CD5L: variants seen among roughly 807,000 people sequenced by gnomAD.
CD5L encodes CD5 antigen-like.
Under a neutral mutation model 40.8 loss-of-function variants are expected in CD5L, and 39 were observed. The ratio of observed to expected loss-of-function variants is 0.96; its 90% confidence interval spans 0.74 to 1.25. CD5L has a LOEUF of 1.25. Ranked by LOEUF, CD5L falls within the 50% of genes most tolerant of loss-of-function variation. The pLI, the probability that CD5L is intolerant of heterozygous loss-of-function variation, is 0.00. For synonymous variants in CD5L, 192 were observed against 169.6 expected, an observed-to-expected ratio of 1.13 and a Z score of -1.03; for missense variants, 433 against 435.9, an observed-to-expected ratio of 0.99 and a Z score of 0.06.
intron 2 of CD5L, 88 bp from the exon 3 acceptor site, chr1:157,836,243 C>A: frequency 9.3e-7 from 1 of 1,072,310 alleles, no homozygotes; most frequent in Non-Finnish European, 1.3e-6. Context: ...GACTCTTCCA[C>A]CATTCAAATG....
In CD5L at chr1:157,841,704, C is replaced by G; in HGVS notation, c.-3G>C. ...ATCAAGGAGAATAGCAGAGCCATGA[C>G]CAAGGCAGGTGAAGGTGATGAGCTG... On this transcript the variant is annotated 5_prime_UTR_variant, in exon 1 of 6. Transcript: ENST00000368174. The G allele has an allele frequency of 5.6e-6, 9 of 1,613,058 alleles. No homozygotes were observed. The highest frequency in any genetic ancestry group is 7.6e-6 in the Non-Finnish European group (9 of 1,179,610).
At chr1:157,827,155 C>T (rs1159558231), downstream of CD5L, among the ~76,000 whole-genome samples, 1 of 151,974 alleles carries the variant, frequency 6.6e-6, no homozygotes, top group Non-Finnish European at 1.5e-5. Flanking sequence ...ATTTCAGAAA[C>T]CCCATAACCA....
Position 157,841,763 on chromosome 1 carries a change from A to C in CD5L, c.-62T>G. ...GGCTAGAAGGAGGTCCCCAAGCAGC[A>C]ATATTTAGTTTTAGCTGCAAGTATG... is the stretch of plus-strand genomic sequence containing the variant. On this transcript the variant is annotated 5_prime_UTR_variant, in exon 1 of 6. The change creates a new upstream start codon in the 5' untranslated region. Coordinates refer to ENST00000368174, the MANE Select transcript of CD5L (RefSeq NM_005894.3). The C allele has an allele frequency of 6.9e-7, 1 of 1,452,838 alleles. No individual in the cohort carries two copies. The highest frequency in any genetic ancestry group is 2.3e-5 in the East Asian group (1 of 43,884). 90.0% of individuals were successfully genotyped at this position (1,452,838 alleles called of 1,614,324 possible).
At position 157,831,305 on chromosome 1, in the gene CD5L, G is replaced by T. The variant is rs1310906883; in HGVS notation, c.*659C>A. The T allele has an allele frequency of 3.0e-6, 3 of 985,248 alleles. No individual in the cohort carries two copies. The highest frequency in any genetic ancestry group is 4.7e-5 in the South Asian group (1 of 21,284). 61.0% of individuals were successfully genotyped at this position (985,248 alleles called of 1,614,324 possible). A position where few individuals can be genotyped will look rare whatever the true frequency, so the allele number is the denominator to read the frequency against. Reference sequence around the variant, plus strand: ...ATTTTTATTGGGGCAATCAGAGGATGAAACATCATTTTTTACACGTCATGA... The same window carrying T: ...ATTTTTATTGGGGCAATCAGAGGATTAAACATCATTTTTTACACGTCATGA... On this transcript the variant is annotated 3_prime_UTR_variant, in exon 6 of 6. Coordinates refer to ENST00000368174, the MANE Select transcript of CD5L (RefSeq NM_005894.3).
chr1:157,827,392 G>T (rs540551346), downstream of CD5L, among the ~76,000 whole-genome samples: 4 of 152,084 alleles, frequency 2.6e-5, no homozygotes, highest in East Asian at 5.8e-4. Flanking sequence ...ACATAGGAAA[G>T]GTGGTGATGT....
Position 157,831,934 on chromosome 1 carries a change from AG to A in CD5L, c.*29del, listed in dbSNP as rs762379468. 23 of 1,568,524 alleles carry A rather than the reference AG, an allele frequency of 1.5e-5. No homozygotes were observed. Among genetic ancestry groups the A allele is most frequent in the Middle Eastern group, 1.7e-4 (1 of 5,824 alleles). On this transcript the variant is annotated 3_prime_UTR_variant, in exon 6 of 6. Transcript: ENST00000368174. ...GAACAAGCAGAGGGCAGGCGGGGCC[AG>A]GGGGGCCAGGTCAAGCAACACCAGG...
rs1241881819 is a variant in CD5L, at chr1:157,831,577, T to C, written c.*387A>G. On this transcript the variant is annotated 3_prime_UTR_variant, in exon 6 of 6. Coordinates refer to ENST00000368174, the MANE Select transcript of CD5L (RefSeq NM_005894.3). ...AATGTTTGCAGACATAGATTAGTAA[T>C]AGGACCTAGATTAGTAATGTTTGCA... The C allele has an allele frequency of 9.7e-7, 1 of 1,030,980 alleles. No individual in the cohort carries two copies. Among genetic ancestry groups the C allele is most frequent in the Non-Finnish European group, 1.2e-6 (1 of 860,338 alleles). The allele number at this position is 1,030,980 out of a possible 1,614,324, so 63.9% of individuals were successfully genotyped here.
rs1656098442 is a variant in CD5L at position 157,833,281 on chromosome 1, C to T, written c.950G>A (p.Gly317Glu). The T allele has an allele frequency of 1.2e-6, 2 of 1,614,070 alleles. No homozygotes were observed. The highest frequency in any genetic ancestry group is 1.7e-6 in the Non-Finnish European group (2 of 1,180,050). ...RIWLDNVRCSGEEQSLEQCQH... is the reference protein window; with the variant it reads ...RIWLDNVRCSEEEQSLEQCQH... ...GCACTGCTCCAGGGACTGCTCCTCC[C>T]CTGAGCAACGAACATTATCCAGCCA... The change falls in exon 5 of 6, where the codon GGG (glycine) becomes GAG (glutamate). Residue 317 changes from glycine (G) to glutamate (E), a missense_variant. Physicochemically the swap from Gly to Glu is moderately conservative, Grantham distance 98. Coordinates refer to ENST00000368174, the MANE Select transcript of CD5L (RefSeq NM_005894.3).
At chr1:157,839,530 T>C (rs1656308741) in intron 1 of CD5L, 120 bp from the exon 2 acceptor site, 1 of 988,776 alleles carries the variant, frequency 1.0e-6, no homozygotes, top group Non-Finnish European at 1.5e-6. Context: ...GAGCCTCCAA[T>C]GTCAGTCCTG....
chr1:157,832,515 C>A (rs1250198334), intron 5 of CD5L, among the ~76,000 whole-genome samples: 5 of 152,190 alleles, frequency 3.3e-5, no homozygotes, highest in African/African-American at 1.2e-4. Context: ...AGCCACGCAG[C>A]GGCTGCACTT....
At chr1:157,837,304 G>A (rs1656244608) in intron 2 of CD5L, among the ~76,000 whole-genome samples, 1 of 151,928 alleles carries the variant, frequency 6.6e-6, no homozygotes, top group Non-Finnish European at 1.5e-5. Flanking sequence ...TGGCTGTGTA[G>A]GGAGACCAGG....
Position 157,835,843 on chromosome 1 carries a change from G to T in CD5L, c.368C>A (p.Ser123Ter). The change falls in exon 3 of 6, where the codon TCG becomes TAG. Residue 123 changes from serine (S) to a stop codon, truncating the protein, a stop_gained. Transcript: ENST00000368174. LOFTEE classifies it high-confidence loss of function. ...DCSHDEDAGA[S>*]CENPESSFSP... is the part of the protein sequence containing the mutation. Reference sequence around the variant, plus strand: ...ACCCCTGCCATACTCACTCTCACACGATGCCCCAGCATCTTCATCATGTGA... The same window carrying T: ...ACCCCTGCCATACTCACTCTCACACTATGCCCCAGCATCTTCATCATGTGA... 1 of 1,610,870 alleles carries T rather than the reference G, an allele frequency of 6.2e-7. No homozygotes were observed. The highest frequency in any genetic ancestry group is 8.5e-7 in the Non-Finnish European group (1 of 1,178,382).
Position 157,835,908 on chromosome 1 carries a change from A to ATCT in CD5L, c.300_302dup (p.Glu100dup). Reference sequence around the variant, plus strand: ...CTTCTTGCTCACACTGAGCCAATGTATCTTCTGTTCCTGTGCAACTGACTG... The same window carrying ATCT: ...CTTCTTGCTCACACTGAGCCAATGTATCTTCTTCTGTTCCTGTGCAACTGACTG... On this transcript the variant is annotated inframe_insertion, in exon 3 of 6. Coordinates refer to ENST00000368174, the MANE Select transcript of CD5L (RefSeq NM_005894.3). The ATCT allele has an allele frequency of 6.2e-7, 1 of 1,614,188 alleles. No individual in the cohort carries two copies. Among genetic ancestry groups the ATCT allele is most frequent in the Non-Finnish European group, 8.5e-7 (1 of 1,180,036 alleles).
chr1:157,837,381 G>C (rs1656247100), intron 2 of CD5L, among the ~76,000 whole-genome samples: 2 of 10,716 alleles, frequency 1.9e-4, no homozygotes, highest in East Asian at 9.9e-3. Context: ...TTGTTTGTTA[G>C]TTAGTGAACT....
At chr1:157,828,864 T>C (rs1655971677), downstream of CD5L, among the ~76,000 whole-genome samples, 1 of 152,232 alleles carries the variant, frequency 6.6e-6, no homozygotes, top group Non-Finnish European at 1.5e-5. Flanking sequence ...ACTCATTTTC[T>C]TGGGACTGAA....
At position 157,831,935 on chromosome 1, in the gene CD5L, G is replaced by C. The variant is rs753736478; in HGVS notation, c.*29C>G. 1.3e-6 allele frequency: 2 copies of C among 1,566,336 alleles called. No individual in the cohort carries two copies. The highest frequency in any genetic ancestry group is 1.4e-5 in the African/African-American group (1 of 72,754). On this transcript the variant is annotated 3_prime_UTR_variant, in exon 6 of 6. Coordinates refer to ENST00000368174, the MANE Select transcript of CD5L (RefSeq NM_005894.3). ...AACAAGCAGAGGGCAGGCGGGGCCA[G>C]GGGGGCCAGGTCAAGCAACACCAGG...
chr1:157,839,899 G>T (rs1656318300), intron 1 of CD5L, among the ~76,000 whole-genome samples: 1 of 152,152 alleles, frequency 6.6e-6, no homozygotes, highest in Admixed American at 6.5e-5. Flanking sequence ...AACTCTTACT[G>T]TAAGAGGCCA....
intron 4 of CD5L, among the ~76,000 whole-genome samples, chr1:157,833,778 T>C (rs1303438740): frequency 6.7e-6 from 1 of 150,170 alleles, no homozygotes; most frequent in African/African-American, 2.5e-5. Flanking sequence ...GCTTTTTTTT[T>C]TTTTTTTTTT....
chr1:157,833,555 G>T, intron 4 of CD5L, 43 bp from the exon 5 acceptor site: 1 of 1,436,254 alleles, frequency 7.0e-7, no homozygotes, highest in Non-Finnish European at 9.5e-7. Context: ...GACAGGAAGG[G>T]AAAGGAGAAA....
Sources: allele counts gnomAD v4.1 joint callset (sites outside exome capture counted in the v4.1 genomes callset), GRCh38; gene constraint gnomAD v4.1.1; transcripts MANE v1.5; gene names NCBI Gene and HGNC (gene_info 2026-07-23, HGNC 2026-07-21).